Variants in GRM4 observed in about 807,000 individuals in gnomAD.
The protein encoded by GRM4 is glutamate metabotropic receptor 4.
In GRM4, 28 loss-of-function variants were observed where a neutral mutation model predicts 81.7. The observed-to-expected ratio is 0.34, with a 90% CI of 0.25 to 0.47. The LOEUF (loss-of-function observed/expected upper bound fraction) is 0.47. GRM4 is among the 20% of genes least tolerant of loss of function. The pLI, the probability that GRM4 is intolerant of heterozygous loss-of-function variation, is 1.00. For synonymous variants in GRM4, 488 were observed against 528.8 expected, an observed-to-expected ratio of 0.92 and a Z score of 1.06; for missense variants, 948 against 1,290.0, an observed-to-expected ratio of 0.73 and a Z score of 4.06.
At chr6:34,154,540 T>C (rs1047730991) in intron 1 of GRM4, among the ~76,000 whole-genome samples, 1 of 150,912 alleles carries the variant, frequency 6.6e-6, no homozygotes, top group South Asian at 2.1e-4. Flanking sequence ...CATGGGTGGG[T>C]GGTCGGATGG....
chr6:34,155,366 C>A, exon 1 of GRM4: 1 of 1,507,228 alleles, frequency 6.6e-7, no homozygotes, highest in South Asian at 1.3e-5. Context: ...CAGGAAGCTG[C>A]AACTCCAGGC....
chr6:34,093,062 C>T (rs1384982243), intron 2 of GRM4, among the ~76,000 whole-genome samples: 7 of 152,142 alleles, frequency 4.6e-5, no homozygotes, highest in Non-Finnish European at 7.4e-5. Flanking sequence ...GCTCAGTTGT[C>T]CAGGGAGACA....
At chr6:34,044,117 C>G (rs989350792) in intron 6 of GRM4, among the ~76,000 whole-genome samples, 4 of 126,716 alleles carry the variant, frequency 3.2e-5, no homozygotes, top group African/African-American at 1.2e-4. Context: ...CATATATACA[C>G]AGACACACAC....
Position 34,046,888 on chromosome 6 carries a change from C to T in GRM4, c.1169-6140G>A, listed in dbSNP as rs572178294. Among the ~76,000 whole-genome samples, 5 of 152,302 alleles carry T rather than the reference C, an allele frequency of 3.3e-5. 1 individual carries two copies. Among genetic ancestry groups the T allele is most frequent in the South Asian group, 2.1e-4 (1 of 4,830 alleles). ...AGCATGAGCCACAAATATACACCTA[C>T]ACCCGTTTTTGTCTCTTAAGCAAAC... is the stretch of plus-strand genomic sequence containing the variant. On this transcript the variant is annotated intron_variant, in intron 6 of 10. Coordinates refer to ENST00000538487, the MANE Select transcript of GRM4 (RefSeq NM_000841.4).
At chr6:34,046,668 AC>A (rs1345072583) in intron 6 of GRM4, among the ~76,000 whole-genome samples, 32 of 152,320 alleles carry the variant, frequency 2.1e-4, no homozygotes, top group Non-Finnish European at 3.8e-4. Context: ...ATTGGTGCAC[AC>A]AGGGATGGTG....
At chr6:34,027,582 G>A (rs1764194008) in intron 10 of GRM4, among the ~76,000 whole-genome samples, 1 of 152,202 alleles carries the variant, frequency 6.6e-6, no homozygotes, top group South Asian at 2.1e-4. Flanking sequence ...TCAGGTGCCT[G>A]CTAGGGGGTG....
rs762146979 is a variant in GRM4, at chr6:34,040,644, G to T, written c.1273C>A (p.Arg425Ser). 1.9e-6 allele frequency: 3 copies of T among 1,614,098 alleles called. No homozygotes were observed. ...CCCACGCGGCCGGGACACAGGTCAC[G>T]GTGCATGGCGTGCAGCGCGTGGCCC... ...AMGHALHAMH[R>S]DLCPGRVGLC... is the part of the protein sequence containing the mutation. The change falls in exon 7 of 11, where the codon CGT becomes AGT. Residue 425 changes from arginine (R) to serine (S), a missense_variant. Physicochemically the swap from Arg to Ser is moderately radical, Grantham distance 110. Transcript: ENST00000538487.
chr6:34,078,087 G>A lies in GRM4; in HGVS notation c.736+13796C>T, dbSNP rs190568060. Among the ~76,000 whole-genome samples the A allele has an allele frequency of 3.5e-3, 527 of 152,256 alleles. 1 individual carries two copies. The highest frequency in any genetic ancestry group is 7.6e-3 in the African/African-American group (315 of 41,528). ...GAATAGGACAGATAAGCCTGCCCTC[G>A]TGGAGCTGACATCCATCTATGAAGC... On this transcript the variant is annotated intron_variant, in intron 3 of 10. Transcript: ENST00000538487. This position sits in a 1 kb window ranked among gnomAD's most constrained non-coding sequence, Gnocchi z 4.8.
intron 6 of GRM4, chr6:34,056,267 TGGGCTGGCCCTA>T: frequency 2.2e-6 from 1 of 462,870 alleles, no homozygotes; most frequent in East Asian, 3.8e-5. Context: ...TTCAGTGCTG[TGGGCTGGCCCTA>T]GGGCCGTCCA....
intron 1 of GRM4, among the ~76,000 whole-genome samples, chr6:34,144,151 G>T (rs2127518901): frequency 6.6e-6 from 1 of 152,348 alleles, no homozygotes; most frequent in Non-Finnish European, 1.5e-5. Flanking sequence ...GGCAGGGGGC[G>T]CTCGTACGTT....
At chr6:34,099,432 G>A (rs1428888898) in intron 2 of GRM4, among the ~76,000 whole-genome samples, 1 of 152,134 alleles carries the variant, frequency 6.6e-6, no homozygotes, top group Non-Finnish European at 1.5e-5. Flanking sequence ...GGGTGGAGGG[G>A]AGGTGGGCGG....
Position 34,115,581 on chromosome 6 carries a change from C to T in GRM4, c.519+17397G>A, listed in dbSNP as rs985916224. On this transcript the variant is annotated intron_variant, in intron 2 of 10. Transcript: ENST00000538487. The surrounding 1 kb of genome is among the most constrained non-coding windows in gnomAD (Gnocchi z 4.1). ...GTCTGCCCGAAGACACTCGGCAAAC[C>T]TTTCAGGCCTCTAAAAGACCATTTA... 3.3e-5 allele frequency among the ~76,000 whole-genome samples: 5 copies of T among 152,226 alleles called. No individual in the cohort carries two copies. Among genetic ancestry groups the T allele is most frequent in the African/African-American group, 1.2e-4 (5 of 41,464 alleles).
chr6:34,103,011 C>T (rs1768921387), intron 2 of GRM4, among the ~76,000 whole-genome samples: 1 of 152,222 alleles, frequency 6.6e-6, no homozygotes, highest in South Asian at 2.1e-4. Context: ...GGTCTCCTTC[C>T]TCCCTCCTGG....
intron 2 of GRM4, among the ~76,000 whole-genome samples, chr6:34,125,965 G>A (rs760358403): frequency 1.3e-5 from 2 of 152,164 alleles, no homozygotes; most frequent in Admixed American, 6.5e-5. Flanking sequence ...ATCCTATTCT[G>A]TATCCCTAGC....
intron 2 of GRM4, among the ~76,000 whole-genome samples, chr6:34,095,451 G>A (rs555389457): frequency 6.8e-6 from 1 of 147,648 alleles, no homozygotes; most frequent in African/African-American, 2.4e-5. Context: ...AAAAAAACTT[G>A]GGCAAGTTAC....
Position 34,056,700 on chromosome 6 carries a change from G to C in GRM4, c.1028-16C>G, listed in dbSNP as rs1380140738. On this transcript the variant is annotated splice_polypyrimidine_tract_variant and intron_variant, in intron 5 of 10. Transcript: ENST00000538487. Reference sequence around the variant, plus strand: ...CGGTCGAAGCCTGGCAGGGAACCAGGACGTCAGGGCCTCACTGGCCTTCTT... The same window carrying C: ...CGGTCGAAGCCTGGCAGGGAACCAGCACGTCAGGGCCTCACTGGCCTTCTT... The C allele has an allele frequency of 6.2e-7, 1 of 1,610,854 alleles. No homozygotes were observed. Among genetic ancestry groups the C allele is most frequent in the East Asian group, 2.2e-5 (1 of 44,802 alleles).
At chr6:34,112,327 C>T (rs546264184) in intron 2 of GRM4, among the ~76,000 whole-genome samples, 45 of 152,308 alleles carry the variant, frequency 3.0e-4, no homozygotes, top group African/African-American at 9.1e-4. Context: ...GCTGGGCTGG[C>T]GGCCATGGCA....
intron 1 of GRM4, among the ~76,000 whole-genome samples, chr6:34,135,104 G>A (rs924266175): frequency 6.6e-6 from 1 of 152,214 alleles, no homozygotes; most frequent in African/African-American, 2.4e-5. Context: ...TCCCCAAGCA[G>A]TTGGAAGAGG....
upstream of GRM4, among the ~76,000 whole-genome samples, chr6:34,147,751 A>T (rs889432100): frequency 1.3e-5 from 2 of 152,158 alleles, no homozygotes; most frequent in Non-Finnish European, 2.9e-5. Flanking sequence ...GAGGTACCAT[A>T]TGGGCTAGTG....
Sources: allele counts gnomAD v4.1 joint callset (sites outside exome capture counted in the v4.1 genomes callset), GRCh38; gene constraint gnomAD v4.1.1; non-coding constraint Gnocchi (gnomAD v3.1); transcripts MANE v1.5; gene names NCBI Gene and HGNC (gene_info 2026-07-23, HGNC 2026-07-21).